TMEM14B: variants seen among roughly 807,000 people sequenced by gnomAD.
The protein encoded by TMEM14B is transmembrane protein 14B.
Under a neutral mutation model 14.8 loss-of-function variants are expected in TMEM14B, and 9 were observed. That is an observed-to-expected ratio of 0.61 (90% CI 0.37 to 1.06). The LOEUF is 1.06. Ranked by LOEUF, TMEM14B falls within the 50% of genes least tolerant of loss-of-function variation. The pLI, the probability that TMEM14B is intolerant of heterozygous loss-of-function variation, is 0.01. For synonymous variants in TMEM14B, 40 were observed against 51.3 expected, an observed-to-expected ratio of 0.78 and a Z score of 0.94; for missense variants, 128 against 143.6, an observed-to-expected ratio of 0.89 and a Z score of 0.56.
chr6:10,750,110 C>G (rs979029949), intron 3 of TMEM14B: 3 of 199,644 alleles, frequency 1.5e-5, no homozygotes, highest in African/African-American at 7.2e-5. Context: ...TTTTTGCCCC[C>G]TAGTCCTTGC....
rs181372275 is a variant in TMEM14B at position 10,756,392 on chromosome 6, A to G, written c.294-75A>G. The G allele has an allele frequency of 6.5e-4, 996 of 1,542,622 alleles. 3 individuals carry two copies. In the African/African-American group the frequency reaches 0.011, roughly 16 times the overall value. On this transcript the variant is annotated intron_variant, in intron 5 of 5. Transcript: ENST00000379542. ...CCACACAGTTGTGAGGAACCTGCAG[A>G]GTTTAGTTCCTTAAAAACATAGTTG...
rs1273873397 is a variant in TMEM14B, at chr6:10,749,273, G to GTA, written c.23+6_23+7dup. On this transcript the variant is annotated splice_donor_region_variant and intron_variant, in intron 2 of 5. Coordinates refer to ENST00000379542, the MANE Select transcript of TMEM14B (RefSeq NM_030969.5). ...GGAGAAGCCCCTCTTCCCATTGTGA[G>GTA]TAGACAGTAAATGGTTAGAGAGTAG... The GTA allele has an allele frequency of 1.2e-6, 2 of 1,614,052 alleles. No individual in the cohort carries two copies. Among genetic ancestry groups the GTA allele is most frequent in the African/African-American group, 2.7e-5 (2 of 74,940 alleles).
chr6:10,749,571 T>C (rs1363204603), intron 2 of TMEM14B, 51 bp from the exon 3 acceptor site: 8 of 1,603,820 alleles, frequency 5.0e-6, no homozygotes, highest in Admixed American at 1.7e-5. Context: ...ATGGTTTGTT[T>C]TTAAATCCAG....
At position 10,751,093 on chromosome 6, in the gene TMEM14B, G is replaced by T. The variant is rs371666146; in HGVS notation, c.101-40G>T. ...GGTGGATTCCGTTAGTGAAATAAGT[G>T]CCTGACATTACAATGCAAGCTGCGT... On this transcript the variant is annotated intron_variant, in intron 3 of 5. Coordinates refer to ENST00000379542, the MANE Select transcript of TMEM14B (RefSeq NM_030969.5). 3 of 1,610,798 alleles carry T rather than the reference G, an allele frequency of 1.9e-6. No homozygotes were observed. In the Admixed American group the frequency reaches 5.0e-5, roughly 27 times the overall value.
At chr6:10,749,405 C>T (rs1180134291) in intron 2 of TMEM14B, 137 bp downstream of exon 2, 17 of 1,253,354 alleles carry the variant, frequency 1.4e-5, no homozygotes, top group African/African-American at 1.5e-5. Context: ...ACCTGTGGGC[C>T]AGAAACTTGG....
chr6:10,749,475 C>A (rs1252727799), intron 2 of TMEM14B, 147 bp from the exon 3 acceptor site: 1 of 1,148,732 alleles, frequency 8.7e-7, no homozygotes, highest in Non-Finnish European at 1.3e-6. Flanking sequence ...CATCCAACCT[C>A]TGTGGTGCTT....
rs564512116 is a variant in TMEM14B, at chr6:10,755,525, G to A, written c.293+293G>A. ...GACTGCAGCCTTTTGTGTGACTTGC[G>A]GAGGATGTGTGGGGGTCCCATATTT... On this transcript the variant is annotated intron_variant, in intron 5 of 5. Coordinates refer to ENST00000379542, the MANE Select transcript of TMEM14B (RefSeq NM_030969.5). 205 of 1,370,948 alleles carry A rather than the reference G, an allele frequency of 1.5e-4. 1 individual carries two copies. In the African/African-American group the frequency reaches 2.3e-3, roughly 16 times the overall value. The allele number at this position is 1,370,948 out of a possible 1,614,324, so 84.9% of individuals were successfully genotyped here.
downstream of TMEM14B, among the ~76,000 whole-genome samples, chr6:10,757,447 A>T (rs7764498): frequency 0.022 from 3,388 of 152,222 alleles, 42 homozygotes; most frequent in Middle Eastern, 0.051. Flanking sequence ...GAGCATGGCC[A>T]CTGAGGATTT....
chr6:10,757,067 G>A (rs569857534), downstream of TMEM14B: 29 of 887,154 alleles, frequency 3.3e-5, no homozygotes, highest in Non-Finnish European at 3.6e-5. Flanking sequence ...GTATTTTGTT[G>A]ATATTTAGAA....
chr6:10,748,920 T>A (rs1167504022), intron 1 of TMEM14B, among the ~76,000 whole-genome samples: 1 of 152,232 alleles, frequency 6.6e-6, no homozygotes, highest in Non-Finnish European at 1.5e-5. Context: ...GACTAACACA[T>A]TCCCTGATTA....
At chr6:10,749,522 GT>G in intron 2 of TMEM14B, 99 bp from the exon 3 acceptor site, 4 of 1,398,390 alleles carry the variant, frequency 2.9e-6, no homozygotes, top group African/African-American at 2.8e-5. Flanking sequence ...CATAGGACCT[GT>G]GGGGAATGAT....
chr6:10,756,027 G>C lies in TMEM14B; in HGVS notation c.294-440G>C, dbSNP rs541509060. Among the ~76,000 whole-genome samples the C allele has an allele frequency of 3.1e-4, 47 of 152,090 alleles. 1 individual carries two copies. In the South Asian group the frequency reaches 9.1e-3, roughly 30 times the overall value. On this transcript the variant is annotated intron_variant, in intron 5 of 5. Coordinates refer to ENST00000379542, the MANE Select transcript of TMEM14B (RefSeq NM_030969.5). Reference sequence around the variant, plus strand: ...AAGGCAGGGGAATTTTTAAAATCCTGTTTTCAAGAAAGATTACATACTCTA... The same window carrying C: ...AAGGCAGGGGAATTTTTAAAATCCTCTTTTCAAGAAAGATTACATACTCTA...
chr6:10,757,714 G>C (rs1771855765), downstream of TMEM14B, among the ~76,000 whole-genome samples: 1 of 152,118 alleles, frequency 6.6e-6, no homozygotes, highest in Non-Finnish European at 1.5e-5. Context: ...TAAGGAGCTG[G>C]GCGCGGTGGC....
chr6:10,757,348 A>G (rs896922571), downstream of TMEM14B, among the ~76,000 whole-genome samples: 17 of 152,090 alleles, frequency 1.1e-4, no homozygotes, highest in Admixed American at 9.2e-4. Context: ...TTTTGTAGAG[A>G]TGGGGTCTTG....
At chr6:10,754,800 AATAGCGTCTGCAGGGCG>A (rs1771743113) in intron 4 of TMEM14B, among the ~76,000 whole-genome samples, 1 of 152,252 alleles carries the variant, frequency 6.6e-6, no homozygotes, top group Admixed American at 6.5e-5. Flanking sequence ...GGGTAGAGGA[AATAGCGTCTGCAGGGCG>A]ATAGCATCTG....
intron 2 of TMEM14B, 103 bp downstream of exon 2, chr6:10,749,371 C>T (rs1581610134): frequency 2.8e-6 from 4 of 1,435,142 alleles, no homozygotes; most frequent in African/African-American, 1.4e-5. Context: ...CCTGGGATGG[C>T]GTGCGGGATG....
rs906313131 is a variant in TMEM14B, at chr6:10,754,943, G to T, written c.203-199G>T. Among the ~76,000 whole-genome samples, 4 of 152,220 alleles carry T rather than the reference G, an allele frequency of 2.6e-5. No homozygotes were observed. In the East Asian group the frequency reaches 5.8e-4, roughly 22 times the overall value. Reference sequence around the variant, plus strand: ...GGCTGGAAGGGCAGGTAGGGCCCAGGCTGTGAAGGGCCCTATTTGGCCAGT... The same window carrying T: ...GGCTGGAAGGGCAGGTAGGGCCCAGTCTGTGAAGGGCCCTATTTGGCCAGT... On this transcript the variant is annotated intron_variant, in intron 4 of 5. Transcript: ENST00000379542.
intron 3 of TMEM14B, 43 bp downstream of exon 3, chr6:10,749,741 G>T: frequency 6.2e-7 from 1 of 1,609,134 alleles, no homozygotes; most frequent in Non-Finnish European, 8.5e-7. Context: ...TCTTCACGTT[G>T]TTCCAGTGAA....
chr6:10,748,287 C>T (rs895434595), intron 1 of TMEM14B, among the ~76,000 whole-genome samples: 3 of 151,990 alleles, frequency 2.0e-5, no homozygotes, highest in Admixed American at 2.0e-4. Context: ...GCTGTGTCGC[C>T]CAGCCTGGAG....
Sources: gnomAD v4.1 joint callset for allele counts (sites outside exome capture counted in the v4.1 genomes callset) on GRCh38, gnomAD v4.1.1 for gene constraint, MANE v1.5 for transcripts, NCBI Gene and HGNC (gene_info 2026-07-23, HGNC 2026-07-21) for gene names.